The following ADGRB3 variants were observed in gnomAD, a reference collection of about 807,000 sequenced individuals.
The protein encoded by ADGRB3 is brain-specific angiogenesis inhibitor 3.
Under a neutral mutation model 193.4 loss-of-function variants are expected in ADGRB3, and 37 were observed. The observed-to-expected ratio is 0.19, with a 90% CI of 0.15 to 0.25. ADGRB3 has a LOEUF of 0.25. ADGRB3 is among the 10% of genes least tolerant of loss of function. The probability of loss-of-function intolerance (pLI) is 1.00; values close to 1 mark genes in which losing one functional copy is unlikely to be tolerated. For synonymous variants in ADGRB3, 690 were observed against 644.2 expected, an observed-to-expected ratio of 1.07 and a Z score of -1.08; for missense variants, 1,637 against 1,852.9, an observed-to-expected ratio of 0.88 and a Z score of 2.14.
At chr6:69,152,575 T>C (rs1463566964) in intron 17 of ADGRB3, among the ~76,000 whole-genome samples, 2 of 152,340 alleles carry the variant, frequency 1.3e-5, no homozygotes, top group East Asian at 3.9e-4. Context: ...GCTAATTCTA[T>C]GTGTCCCAAG....
chr6:69,069,972 GA>G (rs1286269501), intron 16 of ADGRB3, among the ~76,000 whole-genome samples: 10 of 152,120 alleles, frequency 6.6e-5, no homozygotes, highest in African/African-American at 2.4e-4. Context: ...GGAAATTAAA[GA>G]GAGACAATAC....
chr6:68,883,281 GCTCTGTAAAATGGACCAATCAGCT>G (rs899007855), intron 3 of ADGRB3, among the ~76,000 whole-genome samples: 2 of 151,988 alleles, frequency 1.3e-5, no homozygotes, highest in Non-Finnish European at 2.9e-5. Context: ...ACCAATCAGC[GCTCTGTAAAATGGACCAATCAGCT>G]CTCTGTAAAA....
At chr6:69,183,133 A>T (rs959950772) in intron 17 of ADGRB3, among the ~76,000 whole-genome samples, 1 of 152,018 alleles carries the variant, frequency 6.6e-6, no homozygotes, top group Non-Finnish European at 1.5e-5. Flanking sequence ...ACATTATTTA[A>T]TTTTTACATT....
chr6:68,996,653 G>T (rs1172290392), intron 11 of ADGRB3, among the ~76,000 whole-genome samples: 1 of 152,074 alleles, frequency 6.6e-6, no homozygotes, highest in African/African-American at 2.4e-5. Context: ...TTTCAGACCG[G>T]CTTCGTCTAT....
intron 3 of ADGRB3, among the ~76,000 whole-genome samples, chr6:68,847,615 C>G (rs576957104): frequency 1.2e-4 from 18 of 152,126 alleles, no homozygotes; most frequent in Non-Finnish European, 2.5e-4. Flanking sequence ...TAAGAAGTGT[C>G]TTTTCGCCCT....
At chr6:68,860,639 C>G (rs1765126116) in intron 3 of ADGRB3, among the ~76,000 whole-genome samples, 1 of 152,142 alleles carries the variant, frequency 6.6e-6, no homozygotes, top group African/African-American at 2.4e-5. Flanking sequence ...TTTATCCAGT[C>G]TTTCACTGAT....
chr6:69,129,298 T>C (rs1358680687), intron 17 of ADGRB3, among the ~76,000 whole-genome samples: 2 of 152,106 alleles, frequency 1.3e-5, no homozygotes, highest in Non-Finnish European at 1.5e-5. Context: ...TTAATGCCTA[T>C]GGAATGCACT....
At chr6:69,224,351 G>A (rs1455974754) in intron 17 of ADGRB3, among the ~76,000 whole-genome samples, 1 of 151,722 alleles carries the variant, frequency 6.6e-6, no homozygotes, top group East Asian at 1.9e-4. Context: ...ATGTTTAAAT[G>A]TGCTCTATTT....
At chr6:68,875,411 C>A (rs1021205209) in intron 3 of ADGRB3, among the ~76,000 whole-genome samples, 2 of 151,468 alleles carry the variant, frequency 1.3e-5, no homozygotes, top group East Asian at 3.9e-4. Context: ...TGAGCCATTG[C>A]AGATAGAAAC....
chr6:68,672,540 T>C lies in ADGRB3; in HGVS notation c.757+33108T>C, dbSNP rs906306005. On this transcript the variant is annotated intron_variant, in intron 3 of 31. Coordinates refer to ENST00000370598, the MANE Select transcript of ADGRB3 (RefSeq NM_001704.3). ...TTAACTTAATGAATGGATAAGGCCC[T>C]TTTATATTCCAAGAAATATCTTCAT... Among the ~76,000 whole-genome samples, 8 of 152,056 alleles carry C rather than the reference T, an allele frequency of 5.3e-5. No individual in the cohort carries two copies. The East Asian group carries it at 1.5e-3, about 29-fold the overall frequency.
chr6:68,997,846 A>G (rs1359652089), intron 11 of ADGRB3, among the ~76,000 whole-genome samples: 1 of 152,088 alleles, frequency 6.6e-6, no homozygotes, highest in Non-Finnish European at 1.5e-5. Context: ...TTAATTCAGC[A>G]GGGTTTCTAA....
chr6:69,159,135 C>A (rs1003168104), intron 17 of ADGRB3, among the ~76,000 whole-genome samples: 2 of 152,040 alleles, frequency 1.3e-5, no homozygotes, highest in Admixed American at 6.6e-5. Context: ...GACACTCATA[C>A]AATTACTAGG....
chr6:68,993,274 A>G (rs927894275), intron 10 of ADGRB3, among the ~76,000 whole-genome samples: 3 of 152,128 alleles, frequency 2.0e-5, no homozygotes, highest in Non-Finnish European at 4.4e-5. Flanking sequence ...TATTTTAAGT[A>G]AATTTGTGCT....
At chr6:69,127,771 C>A (rs1332776104) in intron 17 of ADGRB3, among the ~76,000 whole-genome samples, 3 of 152,134 alleles carry the variant, frequency 2.0e-5, no homozygotes, top group East Asian at 3.8e-4. Flanking sequence ...ATATTGAGAA[C>A]AACTTGGGTG....
At chr6:69,031,045 TC>T (rs1770650497) in intron 13 of ADGRB3, among the ~76,000 whole-genome samples, 2 of 11,362 alleles carry the variant, frequency 1.8e-4, no homozygotes, top group Admixed American at 8.9e-4. Context: ...TTCTCTCTTC[TC>T]TTCTCTTCTC....
At chr6:69,378,168 G>T (rs1356072177) in intron 30 of ADGRB3, among the ~76,000 whole-genome samples, 1 of 151,944 alleles carries the variant, frequency 6.6e-6, no homozygotes, top group East Asian at 1.9e-4. Context: ...AAAATATGAA[G>T]ACCAGCCATT....
At chr6:68,970,969 C>T (rs189996649) in intron 8 of ADGRB3, among the ~76,000 whole-genome samples, 3 of 152,300 alleles carry the variant, frequency 2.0e-5, no homozygotes, top group Admixed American at 6.5e-5. Context: ...AAACAAGCAG[C>T]ATTGTGGAGA....
Position 69,172,796 on chromosome 6 carries a change from T to C in ADGRB3, c.2481-60494T>C, listed in dbSNP as rs187491142. Among the ~76,000 whole-genome samples, 342 of 151,730 alleles carry C rather than the reference T, an allele frequency of 2.3e-3. 4 individuals are homozygous for C. The highest frequency in any genetic ancestry group is 8.1e-3 in the African/African-American group (335 of 41,356). On this transcript the variant is annotated intron_variant, in intron 17 of 31. Coordinates refer to ENST00000370598, the MANE Select transcript of ADGRB3 (RefSeq NM_001704.3). ...GGAGGCCTTCTTGAGAAGCAGACAT[T>C]AGAGACGTGGCCTGAGGACAACAAG... is the stretch of plus-strand genomic sequence containing the variant.
chr6:69,214,648 A>G (rs1765737475), intron 17 of ADGRB3, among the ~76,000 whole-genome samples: 1 of 151,924 alleles, frequency 6.6e-6, no homozygotes, highest in Non-Finnish European at 1.5e-5. Flanking sequence ...GTGACTTTGA[A>G]GCATGCTGGG....
Sources: gnomAD v4.1 joint callset for allele counts (sites outside exome capture counted in the v4.1 genomes callset) on GRCh38, gnomAD v4.1.1 for gene constraint, MANE v1.5 for transcripts, NCBI Gene and HGNC (gene_info 2026-07-23, HGNC 2026-07-21) for gene names.